Variants in ABCD3 observed in about 807,000 individuals in gnomAD.
The protein encoded by ABCD3 is ATP-binding cassette sub-family D member 3.
In ABCD3, 41 loss-of-function variants were observed where a neutral mutation model predicts 105.5. That is an observed-to-expected ratio of 0.39 (90% CI 0.30 to 0.50). The LOEUF (loss-of-function observed/expected upper bound fraction) is 0.50, where lower values mean the gene tolerates loss of function less well. Among genes scored for constraint, ABCD3 ranks in the 20% least tolerant of loss-of-function variants. The pLI, the probability that ABCD3 is intolerant of heterozygous loss-of-function variation, is 0.84. For synonymous variants in ABCD3, 258 were observed against 269.0 expected (o/e 0.96, Z 0.40); for missense variants, 622 against 806.3 (o/e 0.77, Z 2.77).
chr1:94,421,824 C>G (rs995351843), intron 1 of ABCD3, among the ~76,000 whole-genome samples: 1 of 152,102 alleles, frequency 6.6e-6, no homozygotes, highest in African/African-American at 2.4e-5. Flanking sequence ...TTACAGCATC[C>G]TTTATCAGAT....
chr1:94,393,933 C>A, the ABCD3 span, among the ~76,000 whole-genome samples: 5 of 152,294 alleles, frequency 3.3e-5, no homozygotes, highest in East Asian at 9.6e-4. Flanking sequence ...GGACACCACT[C>A]AAAACTGAAT....
intron 1 of ABCD3, among the ~76,000 whole-genome samples, chr1:94,455,438 G>A (rs2100951172): frequency 6.6e-6 from 1 of 151,268 alleles, no homozygotes; most frequent in East Asian, 1.9e-4. Context: ...TGATTCTTCT[G>A]CCTCAGCCTC....
chr1:94,405,096 T>C, the ABCD3 span, among the ~76,000 whole-genome samples: 1 of 152,166 alleles, frequency 6.6e-6, no homozygotes, highest in Admixed American at 6.5e-5. Context: ...TATTTCAAAA[T>C]AATCTTGTGC....
intron 5 of ABCD3, among the ~76,000 whole-genome samples, 168 bp from the exon 6 acceptor site, chr1:94,474,975 T>C (rs1475878762): frequency 6.6e-6 from 1 of 152,124 alleles, no homozygotes; most frequent in Non-Finnish European, 1.5e-5. Flanking sequence ...ACGAGGTACA[T>C]TTGGTTTAGC....
At chr1:94,466,009 C>G (rs1473831172) in intron 3 of ABCD3, among the ~76,000 whole-genome samples, 1 of 152,148 alleles carries the variant, frequency 6.6e-6, no homozygotes, top group Non-Finnish European at 1.5e-5. Flanking sequence ...TGGATTTGCT[C>G]TTTCCCTCAC....
chr1:94,451,160 T>C (rs1434560006), intron 1 of ABCD3, among the ~76,000 whole-genome samples: 1 of 152,218 alleles, frequency 6.6e-6, no homozygotes, highest in African/African-American at 2.4e-5. Flanking sequence ...TTGTTAGGTA[T>C]CTTAAAAATT....
chr1:94,505,643 A>G, intron 20 of ABCD3, among the ~76,000 whole-genome samples: 1 of 152,128 alleles, frequency 6.6e-6, no homozygotes, highest in Admixed American at 6.6e-5. Context: ...GAAAAAGAGG[A>G]GGAGACCTAG....
chr1:94,394,360 C>T, the ABCD3 span, among the ~76,000 whole-genome samples: 1 of 152,188 alleles, frequency 6.6e-6, no homozygotes, highest in Non-Finnish European at 1.5e-5. Context: ...GTGTGCCATG[C>T]TCCTTGCCAT....
chr1:94,459,783 A>G lies in ABCD3; in HGVS notation c.147+1140A>G, dbSNP rs549642162. On this transcript the variant is annotated intron_variant, in intron 2 of 22. Transcript: ENST00000370214. ...CATTCCTTATTACCCTCTTCCCCCA[A>G]TCCCTGGCAACCACAAATCTGTTTC... 9.4e-4 allele frequency among the ~76,000 whole-genome samples: 143 copies of G among 152,180 alleles called. 1 individual carries two copies. The highest frequency in any genetic ancestry group is 3.4e-3 in the African/African-American group (143 of 41,544).
At chr1:94,516,817 C>G (rs1318699389) in intron 22 of ABCD3, among the ~76,000 whole-genome samples, 2 of 151,794 alleles carry the variant, frequency 1.3e-5, no homozygotes, top group Non-Finnish European at 2.9e-5. Flanking sequence ...ATTAGGAAAT[C>G]AGGCTACAGG....
chr1:94,488,827 C>CTT (rs925724827), intron 13 of ABCD3, among the ~76,000 whole-genome samples: 7 of 150,902 alleles, frequency 4.6e-5, no homozygotes, highest in South Asian at 4.2e-4. Flanking sequence ...CACTCTCTCT[C>CTT]TCTCTCTCGC....
At chr1:94,471,897 A>T (rs1648474514) in intron 4 of ABCD3, among the ~76,000 whole-genome samples, 1 of 152,108 alleles carries the variant, frequency 6.6e-6, no homozygotes. Context: ...TTATTTGTTG[A>T]TGGTGACTAA....
rs540410687 is a variant in ABCD3 at position 94,503,802 on chromosome 1, A to AT, written c.1741-2720dup. 5.0e-3 allele frequency among the ~76,000 whole-genome samples: 659 copies of AT among 132,110 alleles called. 2 individuals carry two copies. The highest frequency in any genetic ancestry group is 0.018 in the East Asian group (80 of 4,532). 86.7% of individuals were successfully genotyped at this position (132,110 alleles called of 152,430 possible). ...ATTAAAACAGTCTCTGCTTTTCTGA[A>AT]TTTTTTTTTTTTTTTTGAGGCAGTC... On this transcript the variant is annotated intron_variant, in intron 20 of 22. Transcript: ENST00000370214.
intron 21 of ABCD3, among the ~76,000 whole-genome samples, chr1:94,508,696 G>C (rs1326387213): frequency 6.6e-6 from 1 of 151,106 alleles, no homozygotes; most frequent in African/African-American, 2.4e-5. Context: ...TCTCCTTGAA[G>C]AGGTCCTTCA....
At chr1:94,429,791 G>T (rs1420140054) in intron 1 of ABCD3, among the ~76,000 whole-genome samples, 1 of 152,246 alleles carries the variant, frequency 6.6e-6, no homozygotes, top group African/African-American at 2.4e-5. Flanking sequence ...TGCTAGGGCA[G>T]TGTGGAAAGG....
chr1:94,480,194 C>A, intron 8 of ABCD3: 1 of 477,712 alleles, frequency 2.1e-6, no homozygotes, highest in African/African-American at 1.9e-5. Context: ...CATAGAAAAA[C>A]TGTGAACTGC....
intron 4 of ABCD3, among the ~76,000 whole-genome samples, chr1:94,473,018 A>C (rs1648561792): frequency 6.6e-6 from 1 of 152,202 alleles, no homozygotes; most frequent in South Asian, 2.1e-4. Flanking sequence ...TATATTTTAA[A>C]AGCAGAAAAA....
At chr1:94,507,656 T>G (rs564228753) in intron 21 of ABCD3, among the ~76,000 whole-genome samples, 1 of 152,226 alleles carries the variant, frequency 6.6e-6, no homozygotes, top group East Asian at 1.9e-4. Context: ...GCACCTGTTG[T>G]TTCCTGACTT....
intron 1 of ABCD3, among the ~76,000 whole-genome samples, chr1:94,434,087 G>C (rs1052809137): frequency 6.6e-6 from 1 of 152,134 alleles, no homozygotes; most frequent in Non-Finnish European, 1.5e-5. Context: ...CATTGAGTGA[G>C]TTATGAGTGA....
Sources: allele counts gnomAD v4.1 joint callset (sites outside exome capture counted in the v4.1 genomes callset), GRCh38; gene constraint gnomAD v4.1.1; transcripts MANE v1.5; gene names NCBI Gene and HGNC (gene_info 2026-07-23, HGNC 2026-07-21).